Variants in CRY2 observed in about 807,000 individuals in gnomAD.
The protein encoded by CRY2 is cryptochrome-2.
Under a neutral mutation model 69.5 loss-of-function variants are expected in CRY2, and 31 were observed. The ratio of observed to expected loss-of-function variants is 0.45; its 90% CI spans 0.34 to 0.60. The LOEUF (loss-of-function observed/expected upper bound fraction) is 0.60, where lower values mean the gene tolerates loss of function less well. Ranked by LOEUF, CRY2 falls within the 20% of genes least tolerant of loss-of-function variation. The pLI, the probability that CRY2 is intolerant of heterozygous loss-of-function variation, is 0.02. For missense variants in CRY2, 606 were observed against 797.8 expected, an observed-to-expected ratio of 0.76 and a Z score of 2.90; for synonymous variants, 303 against 312.2, an observed-to-expected ratio of 0.97 and a Z score of 0.31.
At chr11:45,873,102 A>G (rs1279247593) in intron 11 of CRY2, among the ~76,000 whole-genome samples, 1 of 152,172 alleles carries the variant, frequency 6.6e-6, no homozygotes, top group East Asian at 1.9e-4. Context: ...TCATCAAAAC[A>G]CTGGCTTCTC....
upstream of CRY2, chr11:45,847,406 G>A (rs748322144): frequency 1.3e-6 from 2 of 1,593,344 alleles, no homozygotes; most frequent in Admixed American, 3.4e-5. Context: ...GAGTTGCGGC[G>A]TCATAGGTCA....
intron 2 of CRY2, among the ~76,000 whole-genome samples, chr11:45,857,350 G>A (rs2086249037): frequency 6.6e-6 from 1 of 152,138 alleles, no homozygotes; most frequent in East Asian, 1.9e-4. Context: ...GACGATCTTG[G>A]ATTCTGACTC....
chr11:45,857,518 T>G (rs1229359443), intron 2 of CRY2, among the ~76,000 whole-genome samples: 1 of 152,182 alleles, frequency 6.6e-6, no homozygotes, highest in Non-Finnish European at 1.5e-5. Context: ...GTATTTTTAT[T>G]GAGCTTCTGC....
rs1444853236 is a variant in CRY2, at chr11:45,869,569, T to C, written c.946T>C (p.Tyr316His). ...GCAACTCCTATGGCGAGAGTTCTTC[T>C]ACACGGCAGCTACCAACAACCCCAG... Reference protein sequence around the residue: ...FGQLLWREFFYTAATNNPRFD... With the variant: ...FGQLLWREFFHTAATNNPRFD... Residue 316 changes from tyrosine to histidine, a missense_variant, in exon 7 of 12, where the codon TAC becomes CAC. Coordinates refer to ENST00000616080, the MANE Select transcript of CRY2 (RefSeq NM_021117.5). 1.9e-6 allele frequency: 3 copies of C among 1,614,096 alleles called. No homozygotes were observed. Among genetic ancestry groups the C allele is most frequent in the African/African-American group, 1.3e-5 (1 of 74,934 alleles).
chr11:45,871,190 C>A (rs1314149822), intron 10 of CRY2, among the ~76,000 whole-genome samples: 1 of 152,230 alleles, frequency 6.6e-6, no homozygotes, highest in African/African-American at 2.4e-5. Flanking sequence ...AGTCAGGGAA[C>A]ACCTCTGTTA....
At chr11:45,850,741 C>T (rs1253564255) in intron 1 of CRY2, among the ~76,000 whole-genome samples, 2 of 152,144 alleles carry the variant, frequency 1.3e-5, no homozygotes, top group African/African-American at 4.8e-5. Context: ...CTTAAGTTGT[C>T]TCTGAGAAGC....
intron 5 of CRY2, chr11:45,867,358 T>TA (rs2086339182): frequency 4.1e-6 from 2 of 489,186 alleles, no homozygotes; most frequent in Admixed American, 6.8e-5. Context: ...ATTTAATAGA[T>TA]ACGTAGCTGA....
chr11:45,865,121 TA>T (rs938463238), intron 5 of CRY2, among the ~76,000 whole-genome samples: 246 of 140,466 alleles, frequency 1.8e-3, no homozygotes, highest in Admixed American at 1.8e-3. Flanking sequence ...CACATTTGGG[TA>T]AAAAAAAAAA....
chr11:45,871,423 A>C (rs767827080), intron 10 of CRY2, among the ~76,000 whole-genome samples: 1 of 152,106 alleles, frequency 6.6e-6, no homozygotes, highest in Non-Finnish European at 1.5e-5. Context: ...GATGTCCGAG[A>C]CGAGGACTAG....
chr11:45,867,765 T>C lies in CRY2; in HGVS notation c.882+13T>C. ...CCTGTATAAAAAGGTAAGGGGGACATACCTGCCCACATTGCACCTAAGGCC... is the reference window on the plus strand; with the variant it reads ...CCTGTATAAAAAGGTAAGGGGGACACACCTGCCCACATTGCACCTAAGGCC... On this transcript the variant is annotated intron_variant, in intron 6 of 11. Coordinates refer to ENST00000616080, the MANE Select transcript of CRY2 (RefSeq NM_021117.5). The C allele has an allele frequency of 1.2e-6, 2 of 1,614,112 alleles. No individual in the cohort carries two copies. The highest frequency in any genetic ancestry group is 8.5e-7 in the Non-Finnish European group (1 of 1,180,014).
At chr11:45,872,744 G>A (rs898792913) in intron 11 of CRY2, among the ~76,000 whole-genome samples, 3 of 152,168 alleles carry the variant, frequency 2.0e-5, no homozygotes, top group African/African-American at 7.2e-5. Flanking sequence ...GGGGCTGAGG[G>A]GTGGCGCTTT....
chr11:45,850,015 T>G (rs1314599207), intron 1 of CRY2, among the ~76,000 whole-genome samples: 8 of 151,430 alleles, frequency 5.3e-5, no homozygotes, highest in East Asian at 1.9e-4. Context: ...TTTGTTTTTT[T>G]TTTTTTTTGA....
intron 10 of CRY2, among the ~76,000 whole-genome samples, chr11:45,871,621 T>A (rs11038698): frequency 6.6e-6 from 1 of 152,104 alleles, no homozygotes; most frequent in East Asian, 1.9e-4. Context: ...ACAGATTCGC[T>A]GCATTCGGAG....
chr11:45,859,921 G>C (rs1192660358), intron 3 of CRY2, among the ~76,000 whole-genome samples: 1 of 152,062 alleles, frequency 6.6e-6, no homozygotes, highest in African/African-American at 2.4e-5. Context: ...GCTGGGTGTG[G>C]AGATCCTCCT....
At chr11:45,873,866 T>G (rs2086405602) in intron 11 of CRY2, among the ~76,000 whole-genome samples, 1 of 152,232 alleles carries the variant, frequency 6.6e-6, no homozygotes, top group Non-Finnish European at 1.5e-5. Context: ...ATTCAGGCAG[T>G]GAGCAGGGCG....
Position 45,856,072 on chromosome 11 carries a change from G to A in CRY2, c.306G>A (p.Val102=). 6.2e-7 allele frequency: 1 copy of A among 1,614,108 alleles called. No individual in the cohort carries two copies. The highest frequency in any genetic ancestry group is 8.5e-7 in the Non-Finnish European group (1 of 1,179,964). The change falls in exon 2 of 12, where the codon GTG becomes GTA. Residue 102 remains valine, a synonymous_variant. Transcript: ENST00000616080. ...LFVVRGQPAD[V]FPRLFKEWGV... ...TAGTCCGGGGACAGCCAGCCGACGT[G>A]TTCCCAAGGCTGTTCAAGGTAAGCG... is the stretch of plus-strand genomic sequence containing the variant.
At chr11:45,859,097 A>G (rs1353249121) in intron 3 of CRY2, among the ~76,000 whole-genome samples, 1 of 152,124 alleles carries the variant, frequency 6.6e-6, no homozygotes, top group Non-Finnish European at 1.5e-5. Context: ...GGCCCAAAGC[A>G]TGGAAGCAGT....
chr11:45,861,769 T>C, intron 4 of CRY2: 2 of 390,938 alleles, frequency 5.1e-6, no homozygotes, highest in Non-Finnish European at 9.4e-6. Flanking sequence ...TATTAGCCTT[T>C]TTCACCTGAA....
At chr11:45,865,987 C>T (rs772423049) in intron 5 of CRY2, among the ~76,000 whole-genome samples, 2 of 152,138 alleles carry the variant, frequency 1.3e-5, no homozygotes, top group Non-Finnish European at 2.9e-5. Context: ...ATGACCTTAG[C>T]CTGAACCAGG....
Sources: allele counts gnomAD v4.1 joint callset (sites outside exome capture counted in the v4.1 genomes callset), GRCh38; gene constraint gnomAD v4.1.1; transcripts MANE v1.5; gene names NCBI Gene and HGNC (gene_info 2026-07-23, HGNC 2026-07-21).